The following ANK1 variants were observed in gnomAD, a reference collection of about 807,000 sequenced individuals.
ANK1 encodes the protein ankyrin 1.
Under a neutral mutation model 210.4 loss-of-function variants are expected in ANK1, and 51 were observed. The ratio of observed to expected loss-of-function variants is 0.24; its 90% CI spans 0.19 to 0.31. The LOEUF (loss-of-function observed/expected upper bound fraction) is 0.31, where lower values mean the gene tolerates loss of function less well. Among genes scored for constraint, ANK1 ranks in the 10% least tolerant of loss-of-function variants. ANK1 has a pLI of 1.00. For synonymous variants in ANK1, 967 were observed against 1,025.9 expected (o/e 0.94, Z 1.10); for missense variants, 2,051 against 2,504.4 (o/e 0.82, Z 3.86).
intron 1 of ANK1, among the ~76,000 whole-genome samples, chr8:41,784,227 T>C (rs117662085): frequency 5.9e-5 from 9 of 152,256 alleles, no homozygotes; most frequent in Non-Finnish European, 1.0e-4. Context: ...CTTCACTATA[T>C]TTCTCTACCC....
intron 1 of ANK1, among the ~76,000 whole-genome samples, chr8:41,880,295 T>C (rs532302280): frequency 2.0e-5 from 3 of 152,320 alleles, no homozygotes; most frequent in African/African-American, 7.2e-5. Flanking sequence ...CTGAAATATT[T>C]ACTGCCAGGT....
Position 41,653,848 on chromosome 8 carries a change from G to A in ANK1, c.*1942C>T, listed in dbSNP as rs1360703556. On this transcript the variant is annotated 3_prime_UTR_variant, in exon 43 of 43. Transcript: ENST00000289734. ...GGGGAAACTCAGGCCCGGAGCTAGA[G>A]CTTCCTCTCCCTGCCCGCCCCTCTA... The A allele has an allele frequency of 6.6e-6, 1 of 152,202 alleles. No homozygotes were observed. The allele number at this position is 152,202 out of a possible 1,614,324, so 9.4% of individuals were successfully genotyped here. A position where few individuals can be genotyped will look rare whatever the true frequency, so the allele number is the denominator to read the frequency against.
exon 1 of ANK1, chr8:41,896,366 G>T: frequency 6.3e-7 from 1 of 1,596,786 alleles, no homozygotes; most frequent in South Asian, 1.1e-5. Flanking sequence ...TTCTTCTTTC[G>T]GTCACGGGAG....
At chr8:41,686,353 G>A in intron 35 of ANK1, 70 bp from the exon 36 acceptor site, 1 of 1,602,870 alleles carries the variant, frequency 6.2e-7, no homozygotes, top group Non-Finnish European at 8.5e-7. Context: ...CCAGCACACA[G>A]GCTGGGTGGG....
chr8:41,703,418 G>GTATATATA (rs1563490890), intron 20 of ANK1, among the ~76,000 whole-genome samples: 1 of 46,882 alleles, frequency 2.1e-5, no homozygotes. Context: ...GTGTGTGTGT[G>GTATATATA]TGTGTATATA....
At chr8:41,668,069 G>A (rs1263977011) in intron 39 of ANK1, among the ~76,000 whole-genome samples, 198 bp downstream of exon 39, 1 of 152,256 alleles carries the variant, frequency 6.6e-6, no homozygotes, top group Non-Finnish European at 1.5e-5. Flanking sequence ...ACAGGTACAG[G>A]CGCCTTAGCA....
At chr8:41,745,359 G>A (rs1376423451) in intron 2 of ANK1, among the ~76,000 whole-genome samples, 1 of 152,242 alleles carries the variant, frequency 6.6e-6, no homozygotes, top group Non-Finnish European at 1.5e-5. Context: ...ACACTGGACT[G>A]TCTGGGGATG....
At position 41,688,541 on chromosome 8, in the gene ANK1, G is replaced by T; in HGVS notation, c.4153C>A (p.Arg1385=). 1.2e-6 allele frequency: 2 copies of T among 1,614,172 alleles called. No individual in the cohort carries two copies. The highest frequency in any genetic ancestry group is 2.2e-5 in the East Asian group (1 of 44,882). ...RRRTPTPLAL[R]YSILSESTPG... is the part of the protein sequence containing the mutation. ...GTGGACTCACTGAGAATGCTGTATC[G>T]CAGGGCCAGGGGCGTCGGGGTCCTT... The change falls in exon 34 of 43, where the codon CGA becomes AGA. Residue 1385 remains arginine (R), a synonymous_variant. Transcript: ENST00000289734.
intron 40 of ANK1, 22 bp from the exon 41 acceptor site, chr8:41,661,963 G>T: frequency 1.2e-6 from 2 of 1,612,892 alleles, no homozygotes; most frequent in East Asian, 4.5e-5. Flanking sequence ...AGGGAAGGAG[G>T]AAAGGGCTGG....
chr8:41,780,371 T>G (rs1032517472), intron 1 of ANK1, among the ~76,000 whole-genome samples: 1 of 152,212 alleles, frequency 6.6e-6, no homozygotes, highest in African/African-American at 2.4e-5. Flanking sequence ...CCTCTTAGAC[T>G]CCAGTTGAAT....
At position 41,702,037 on chromosome 8, in the gene ANK1, G is replaced by C; in HGVS notation, c.2388+15C>G. ...GAGTGTGTCTGGGGTGGGTGCGGGG[G>C]AGAGGCAGACATACCACGAAACTGG... On this transcript the variant is annotated intron_variant, in intron 21 of 42. Coordinates refer to ENST00000289734, the MANE Select transcript of ANK1 (RefSeq NM_000037.4). 8.1e-6 allele frequency: 13 copies of C among 1,609,344 alleles called. No individual in the cohort carries two copies. Among genetic ancestry groups the C allele is most frequent in the Non-Finnish European group, 1.1e-5 (13 of 1,175,662 alleles).
intron 24 of ANK1, chr8:41,697,825 A>G: frequency 1.6e-6 from 1 of 628,676 alleles, no homozygotes; most frequent in Non-Finnish European, 2.9e-6. Context: ...CACCACAGGA[A>G]AGGGCCCCAT....
At chr8:41,884,598 T>A (rs1414712880) in intron 1 of ANK1, among the ~76,000 whole-genome samples, 1 of 148,906 alleles carries the variant, frequency 6.7e-6, no homozygotes, top group Non-Finnish European at 1.5e-5. Flanking sequence ...GCTTTCAGAG[T>A]CCGAGGCAGG....
intron 1 of ANK1, among the ~76,000 whole-genome samples, chr8:41,843,650 G>C (rs1809461652): frequency 6.6e-6 from 1 of 152,156 alleles, no homozygotes; most frequent in Non-Finnish European, 1.5e-5. Context: ...AATCTCATGA[G>C]AGGGACTGGC....
At chr8:41,764,489 T>A (rs1173280900) in intron 1 of ANK1, among the ~76,000 whole-genome samples, 1 of 152,204 alleles carries the variant, frequency 6.6e-6, no homozygotes, top group East Asian at 1.9e-4. Context: ...CTCTGGGCTA[T>A]GACAAACCGG....
intron 38 of ANK1, 85 bp downstream of exon 38, chr8:41,672,267 GAC>G: frequency 6.8e-7 from 1 of 1,464,128 alleles, no homozygotes; most frequent in Admixed American, 1.8e-5. Flanking sequence ...GGTTGGCATC[GAC>G]ACCTCTGTCC....
intron 1 of ANK1, among the ~76,000 whole-genome samples, chr8:41,778,492 C>T (rs1844587517): frequency 6.6e-6 from 1 of 152,170 alleles, no homozygotes; most frequent in Admixed American, 6.5e-5. Context: ...AATGCTTTTT[C>T]AAAGGCCGCT....
At chr8:41,796,048 C>T (rs1038074684) in intron 1 of ANK1, among the ~76,000 whole-genome samples, 5 of 152,112 alleles carry the variant, frequency 3.3e-5, no homozygotes, top group African/African-American at 1.2e-4. Context: ...TTATTATATA[C>T]CAATAACAGA....
intron 37 of ANK1, among the ~76,000 whole-genome samples, chr8:41,682,356 G>A (rs1043702065): frequency 5.3e-5 from 8 of 152,198 alleles, no homozygotes; most frequent in African/African-American, 1.2e-4. Flanking sequence ...CCCCGACTCC[G>A]GTCTGTTTCT....
Sources: gnomAD v4.1 joint callset for allele counts (sites outside exome capture counted in the v4.1 genomes callset) on GRCh38, gnomAD v4.1.1 for gene constraint, MANE v1.5 for transcripts, NCBI Gene and HGNC (gene_info 2026-07-23, HGNC 2026-07-21) for gene names.